CCSER1: variants seen among roughly 807,000 people sequenced by gnomAD.
CCSER1 encodes coiled-coil serine rich protein 1, also known as serine-rich coiled-coil domain-containing protein 1.
In CCSER1, 41 loss-of-function variants were observed where a neutral mutation model predicts 82.0. The ratio of observed to expected loss-of-function variants is 0.50; its 90% CI spans 0.39 to 0.65. CCSER1 has a LOEUF of 0.65. Ranked by LOEUF, CCSER1 falls within the 30% of genes least tolerant of loss-of-function variation. CCSER1 has a pLI of 0.00. For synonymous variants in CCSER1, 414 were observed against 383.9 expected (o/e 1.08, Z -0.92); for missense variants, 1,119 against 1,064.2 (o/e 1.05, Z -0.72).
intron 7 of CCSER1, among the ~76,000 whole-genome samples, chr4:90,744,718 G>A (rs997837400): frequency 6.6e-6 from 1 of 152,100 alleles, no homozygotes; most frequent in African/African-American, 2.4e-5. Context: ...GGAGACATTA[G>A]ATTCTCATAT....
chr4:91,482,408 CAAAAAAAAA>C (rs537828832), intron 10 of CCSER1, among the ~76,000 whole-genome samples: 1 of 69,992 alleles, frequency 1.4e-5, no homozygotes, highest in Admixed American at 2.0e-4. Context: ...GACTCCGTCT[CAAAAAAAAA>C]AAAAAAAAAA....
intron 10 of CCSER1, among the ~76,000 whole-genome samples, chr4:91,533,672 C>G (rs571751864): frequency 6.6e-6 from 1 of 151,918 alleles, no homozygotes; most frequent in African/African-American, 2.4e-5. Context: ...AATTTGAAAA[C>G]CCCTTTTGTT....
intron 10 of CCSER1, among the ~76,000 whole-genome samples, chr4:91,312,718 C>A (rs1000036355): frequency 6.6e-6 from 1 of 151,734 alleles, no homozygotes; most frequent in African/African-American, 2.4e-5. Flanking sequence ...CATTGTAAGT[C>A]GAAATTTCTT....
At chr4:90,856,000 A>G (rs1270892541) in intron 8 of CCSER1, among the ~76,000 whole-genome samples, 1 of 152,172 alleles carries the variant, frequency 6.6e-6, no homozygotes, top group East Asian at 1.9e-4. Context: ...CAGCCAATGC[A>G]GAGGAAAGAC....
intron 7 of CCSER1, among the ~76,000 whole-genome samples, chr4:90,751,374 G>A (rs1748635799): frequency 6.6e-6 from 1 of 152,046 alleles, no homozygotes; most frequent in South Asian, 2.1e-4. Flanking sequence ...GGTAACAGCT[G>A]CCTCTAAAGT....
chr4:90,701,469 T>C (rs946147668), intron 6 of CCSER1, among the ~76,000 whole-genome samples: 1 of 152,194 alleles, frequency 6.6e-6, no homozygotes, highest in East Asian at 1.9e-4. Context: ...CAATGTGGGC[T>C]CTTTTTTTGG....
At chr4:90,304,273 C>G (rs370018076) in intron 1 of CCSER1, among the ~76,000 whole-genome samples, 1 of 152,186 alleles carries the variant, frequency 6.6e-6, no homozygotes, top group Admixed American at 6.5e-5. Flanking sequence ...ACAAATACCA[C>G]TTGACCCAGC....
intron 1 of CCSER1, among the ~76,000 whole-genome samples, chr4:90,222,137 C>A (rs1264950074): frequency 2.0e-5 from 3 of 151,974 alleles, no homozygotes; most frequent in Admixed American, 6.6e-5. Context: ...AATCTTGGGG[C>A]AACTCTGGTT....
intron 6 of CCSER1, among the ~76,000 whole-genome samples, chr4:90,659,969 T>C (rs1269515860): frequency 6.6e-6 from 1 of 152,036 alleles, no homozygotes; most frequent in South Asian, 2.1e-4. Flanking sequence ...GTGAGGTTTT[T>C]TGTTGTTGTT....
chr4:90,739,775 G>A (rs1164127024), intron 7 of CCSER1, among the ~76,000 whole-genome samples: 1 of 152,152 alleles, frequency 6.6e-6, no homozygotes, highest in Non-Finnish European at 1.5e-5. Context: ...CACAATTAGT[G>A]CACTGTACCT....
At chr4:90,607,594 T>C (rs1342890900) in intron 5 of CCSER1, among the ~76,000 whole-genome samples, 3 of 152,172 alleles carry the variant, frequency 2.0e-5, no homozygotes, top group Admixed American at 6.5e-5. Context: ...CCCTGTGTTT[T>C]GTGTTTATCC....
chr4:90,282,922 T>C (rs1729138506), intron 1 of CCSER1, among the ~76,000 whole-genome samples: 1 of 151,996 alleles, frequency 6.6e-6, no homozygotes, highest in African/African-American at 2.4e-5. Context: ...GGTAAAGGGA[T>C]AGGTGAGTAC....
intron 4 of CCSER1, among the ~76,000 whole-genome samples, chr4:90,434,095 C>T (rs183460170): frequency 2.4e-4 from 36 of 151,976 alleles, no homozygotes; most frequent in South Asian, 4.2e-4. Context: ...TCAGTTTTCT[C>T]TTTTGAATTT....
intron 10 of CCSER1, among the ~76,000 whole-genome samples, chr4:91,136,675 T>C (rs1728497477): frequency 6.6e-6 from 1 of 152,100 alleles, no homozygotes; most frequent in Non-Finnish European, 1.5e-5. Flanking sequence ...AAAGTATGAA[T>C]TTATTCAAAC....
At chr4:91,096,532 G>T (rs764467795) in intron 10 of CCSER1, among the ~76,000 whole-genome samples, 3 of 152,158 alleles carry the variant, frequency 2.0e-5, no homozygotes, top group Non-Finnish European at 2.9e-5. Flanking sequence ...ACTGATCTGG[G>T]TGTCCTGGCT....
chr4:90,355,990 A>T (rs574261648), intron 3 of CCSER1, among the ~76,000 whole-genome samples: 4 of 152,056 alleles, frequency 2.6e-5, no homozygotes, highest in Admixed American at 6.5e-5. Flanking sequence ...CCATTGTCTT[A>T]ATTGGCCAAC....
intron 1 of CCSER1, among the ~76,000 whole-genome samples, chr4:90,129,746 C>G (rs565026486): frequency 6.6e-6 from 1 of 152,266 alleles, no homozygotes; most frequent in East Asian, 1.9e-4. Flanking sequence ...CTTTGAAAAA[C>G]AAAGCAGAGT....
intron 5 of CCSER1, among the ~76,000 whole-genome samples, chr4:90,592,745 C>A (rs547805875): frequency 6.6e-6 from 1 of 152,100 alleles, no homozygotes; most frequent in South Asian, 2.1e-4. Flanking sequence ...TTAAAGTTCC[C>A]AGACAGTACG....
intron 10 of CCSER1, among the ~76,000 whole-genome samples, chr4:91,328,716 A>T (rs144343169): frequency 6.6e-6 from 1 of 152,224 alleles, no homozygotes; most frequent in African/African-American, 2.4e-5. Flanking sequence ...GCACCTGGGA[A>T]TGTAGACACA....
Sources: gnomAD v4.1 joint callset for allele counts (sites outside exome capture counted in the v4.1 genomes callset) on GRCh38, gnomAD v4.1.1 for gene constraint, MANE v1.5 for transcripts, NCBI Gene and HGNC (gene_info 2026-07-23, HGNC 2026-07-21) for gene names.